Variants in CYLD observed in about 807,000 individuals in gnomAD.
CYLD encodes ubiquitin carboxyl-terminal hydrolase CYLD.
A neutral mutation model predicts 104.5 loss-of-function variants in CYLD; 26 were observed. That is an observed-to-expected ratio of 0.25 (90% CI 0.18 to 0.35). The LOEUF (loss-of-function observed/expected upper bound fraction) is 0.35, where lower values mean the gene tolerates loss of function less well. Among genes scored for constraint, CYLD ranks in the 10% least tolerant of loss-of-function variants. The pLI is 1.00. For synonymous variants in CYLD, 385 were observed against 399.9 expected (o/e 0.96, Z 0.45); for missense variants, 703 against 1,136.1 (o/e 0.62, Z 5.48).
chr16:50,764,296 A>G (rs11864698), intron 5 of CYLD, among the ~76,000 whole-genome samples: 35,385 of 152,124 alleles, frequency 0.23, 6,823 homozygotes, highest in African/African-American at 0.54. Flanking sequence ...TGACTATTTG[A>G]CAAAGCTTCT....
chr16:50,776,552 TG>T (rs1969702607), intron 7 of CYLD, among the ~76,000 whole-genome samples: 1 of 152,226 alleles, frequency 6.6e-6, no homozygotes, highest in Non-Finnish European at 1.5e-5. Flanking sequence ...TTGGAATATT[TG>T]TATGTATAGT....
Position 50,751,763 on chromosome 16 carries a change from A to G in CYLD, c.664A>G (p.Thr222Ala), listed in dbSNP as rs1267625789. Reference sequence around the variant, plus strand: ...AAGTGATTACGCAGGTCCTGGGGACACAATGCAGGTCGAACTTCCTCCTTT... The same window carrying G: ...AAGTGATTACGCAGGTCCTGGGGACGCAATGCAGGTCGAACTTCCTCCTTT... ...LESDYAGPGD[T>A]MQVELPPLEI... The change falls in exon 4 of 19, where the codon ACA becomes GCA. Residue 222 changes from threonine to alanine, a missense_variant. Transcript: ENST00000427738. 1 of 1,613,738 alleles carries G rather than the reference A, an allele frequency of 6.2e-7. No individual in the cohort carries two copies. The highest frequency in any genetic ancestry group is 1.7e-5 in the Admixed American group (1 of 59,954).
chr16:50,744,445 T>C (rs1459487317), intron 2 of CYLD, among the ~76,000 whole-genome samples: 2 of 152,250 alleles, frequency 1.3e-5, no homozygotes, highest in African/African-American at 4.8e-5. Context: ...CTTTCTTTGG[T>C]GTTCAAGCTG....
chr16:50,785,597 T>C (rs1421395020), intron 12 of CYLD: 1 of 152,210 alleles, frequency 6.6e-6, no homozygotes, highest in Non-Finnish European at 1.5e-5. Flanking sequence ...CTAAGGCATG[T>C]TAACACCTCC....
chr16:50,747,789 A>G (rs1966317967), intron 2 of CYLD, among the ~76,000 whole-genome samples: 1 of 152,202 alleles, frequency 6.6e-6, no homozygotes, highest in Non-Finnish European at 1.5e-5. Context: ...ACACACCACA[A>G]AAAAGAAGAA....
At chr16:50,787,911 C>A in intron 14 of CYLD, 59 bp downstream of exon 14, 1 of 946,444 alleles carries the variant, frequency 1.1e-6, no homozygotes, top group South Asian at 1.4e-5. Flanking sequence ...TTTCTACTGC[C>A]ATTATTCAAC....
At chr16:50,795,757 C>T in intron 18 of CYLD, 2 of 591,358 alleles carry the variant, frequency 3.4e-6, no homozygotes, top group Non-Finnish European at 6.0e-6. Context: ...AACAGCGTAA[C>T]ACAACAGCAT....
rs1006658545 is a variant in CYLD, at chr16:50,786,156, C to G, written c.1950-699C>G. ...AGATTTTCAGTTTCTTATAAATTCC[C>G]TTTCCCATTTCCCTTGGTGGCTGTT... On this transcript the variant is annotated intron_variant, in intron 12 of 18. Coordinates refer to ENST00000427738, the MANE Select transcript of CYLD (RefSeq NM_001378743.1). 2.0e-5 allele frequency: 3 copies of G among 152,172 alleles called. No homozygotes were observed. In the South Asian group the frequency reaches 6.2e-4, roughly 32 times the overall value. 9.4% of individuals were successfully genotyped at this position (152,172 alleles called of 1,614,324 possible). A position where few individuals can be genotyped will look rare whatever the true frequency, so the allele number is the denominator to read the frequency against.
At chr16:50,780,161 A>C in intron 9 of CYLD, 117 bp downstream of exon 9, 1 of 1,269,114 alleles carries the variant, frequency 7.9e-7, no homozygotes, top group Non-Finnish European at 1.1e-6. Flanking sequence ...CTATCACTGC[A>C]GAATAATTTT....
intron 5 of CYLD, among the ~76,000 whole-genome samples, chr16:50,768,218 CTTAT>C (rs1968730640): frequency 6.6e-6 from 1 of 151,984 alleles, no homozygotes; most frequent in South Asian, 2.1e-4. Flanking sequence ...ATAAATTACA[CTTAT>C]TTGTCAACAA....
At chr16:50,755,210 T>C (rs1479675364) in intron 5 of CYLD, among the ~76,000 whole-genome samples, 1 of 148,134 alleles carries the variant, frequency 6.8e-6, no homozygotes, top group Non-Finnish European at 1.5e-5. Flanking sequence ...TGTGTGTGTA[T>C]ATACACACGT....
chr16:50,753,655 A>T (rs1966800206), intron 4 of CYLD, among the ~76,000 whole-genome samples: 1 of 152,184 alleles, frequency 6.6e-6, no homozygotes, highest in Admixed American at 6.5e-5. Context: ...GGGACATTTT[A>T]GCATGCCATG....
chr16:50,777,424 G>A lies in CYLD; in HGVS notation c.1022-401G>A, dbSNP rs568229593. 5.3e-5 allele frequency among the ~76,000 whole-genome samples: 8 copies of A among 152,188 alleles called. No individual in the cohort carries two copies. In the South Asian group the frequency reaches 1.7e-3, roughly 32 times the overall value. ...GTATTGATTTATATATAGAATTTGA[G>A]GATTACCTTCTTTTAAAATAATAGG... On this transcript the variant is annotated intron_variant, in intron 7 of 18. Coordinates refer to ENST00000427738, the MANE Select transcript of CYLD (RefSeq NM_001378743.1).
intron 4 of CYLD, 22 bp from the exon 5 acceptor site, chr16:50,754,297 A>G (rs1966840823): frequency 6.9e-7 from 1 of 1,438,870 alleles, no homozygotes. Context: ...GAGGATTTTA[A>G]TGTTTATTAT....
At chr16:50,753,441 G>A (rs73577606) in intron 4 of CYLD, among the ~76,000 whole-genome samples, 6,209 of 152,244 alleles carry the variant, frequency 0.041, 380 homozygotes, top group African/African-American at 0.13. Context: ...TCAGATGGCG[G>A]TCTGGGGTCA....
At chr16:50,786,518 G>C in intron 12 of CYLD, 2 of 223,554 alleles carry the variant, frequency 8.9e-6, no homozygotes, top group South Asian at 1.0e-4. Flanking sequence ...CCAGCACTTT[G>C]GGAGGCCGAG....
rs566637778 is a variant in CYLD, at chr16:50,799,396, T to A, written c.*2888T>A. 1.7e-5 allele frequency: 4 copies of A among 233,668 alleles called. No individual in the cohort carries two copies. The highest frequency in any genetic ancestry group is 3.4e-5 in the Non-Finnish European group (4 of 118,048). The allele number at this position is 233,668 out of a possible 1,614,324, so 14.5% of individuals were successfully genotyped here. A position where few individuals can be genotyped will look rare whatever the true frequency, so the allele number is the denominator to read the frequency against. ...GCTAAATGTGTCCCATCCCTCACTG[T>A]CAGCTTTATAAAGGAGTTTGACTCC... On this transcript the variant is annotated 3_prime_UTR_variant, in exon 19 of 19. Transcript: ENST00000427738.
intron 11 of CYLD, 30 bp from the exon 12 acceptor site, chr16:50,784,299 A>G (rs765466487): frequency 4.3e-6 from 7 of 1,609,416 alleles, no homozygotes; most frequent in South Asian, 1.1e-5. Flanking sequence ...TGTTTACAGC[A>G]TGAAGAAAAT....
intron 9 of CYLD, 40 bp downstream of exon 9, chr16:50,780,084 G>A (rs1970068783): frequency 1.2e-6 from 2 of 1,610,254 alleles, no homozygotes; most frequent in African/African-American, 1.3e-5. Flanking sequence ...TTTTTTCTCT[G>A]TGAGGTTTTG....
Sources: gnomAD v4.1 joint callset for allele counts (sites outside exome capture counted in the v4.1 genomes callset) on GRCh38, gnomAD v4.1.1 for gene constraint, MANE v1.5 for transcripts, NCBI Gene and HGNC (gene_info 2026-07-23, HGNC 2026-07-21) for gene names.